Variants in IAH1 observed in about 807,000 individuals in gnomAD.
IAH1 encodes isoamyl acetate hydrolyzing esterase 1 (putative), also known as isoamyl acetate-hydrolyzing esterase 1 homolog.
A neutral mutation model predicts 26.7 loss-of-function variants in IAH1; 24 were observed. That is an observed-to-expected ratio of 0.90 (90% CI 0.65 to 1.26). The LOEUF (loss-of-function observed/expected upper bound fraction) is 1.26, where lower values mean the gene tolerates loss of function less well. IAH1 is among the 50% of genes most tolerant of loss of function. IAH1 has a pLI of 0.00. For synonymous variants in IAH1, 140 were observed against 118.5 expected, an observed-to-expected ratio of 1.18 and a Z score of -1.18; for missense variants, 300 against 299.9, an observed-to-expected ratio of 1.00 and a Z score of 0.00.
the IAH1 span, chr2:9,510,177 T>G: frequency 6.2e-7 from 1 of 1,605,730 alleles, no homozygotes. Flanking sequence ...TATCCAGCCA[T>G]CACCTACTTC....
At chr2:9,500,122 T>C (rs1456608570), downstream of IAH1, among the ~76,000 whole-genome samples, 2 of 152,248 alleles carry the variant, frequency 1.3e-5, no homozygotes, top group African/African-American at 4.8e-5. Context: ...TTATTTGTTA[T>C]AGCAAAAAAG....
At position 9,489,610 on chromosome 2, in the gene IAH1, A is replaced by C. The variant is rs1661919953; in HGVS notation, c.*1281A>C. 1 of 152,300 alleles carries C rather than the reference A, an allele frequency of 6.6e-6. No homozygotes were observed. Among genetic ancestry groups the C allele is most frequent in the Admixed American group, 6.6e-5 (1 of 15,214 alleles). 9.4% of individuals were successfully genotyped at this position (152,300 alleles called of 1,614,324 possible). On this transcript the variant is annotated 3_prime_UTR_variant, in exon 6 of 6. Transcript: ENST00000497473. ...AGCCATATTAACCCAAATGATTTCT[A>C]AATTTAGATATATATTTTCCCTGCT...
chr2:9,508,594 G>A, the IAH1 span, among the ~76,000 whole-genome samples: 4 of 152,078 alleles, frequency 2.6e-5, no homozygotes, highest in South Asian at 2.1e-4. Context: ...GCCCATTCCC[G>A]TCTCCCATCA....
Position 9,481,345 on chromosome 2 carries a change from G to C in IAH1, c.343G>C (p.Val115Leu). Reference protein sequence around the residue: ...EEYAANLKSMVQYLKSVDIPE... With the variant: ...EEYAANLKSMLQYLKSVDIPE... ...GTACGCTGCGAACCTAAAGAGCATGGTGCAGTACCTGAAGTCCGTGGACAT... is the reference window on the plus strand; with the variant it reads ...GTACGCTGCGAACCTAAAGAGCATGCTGCAGTACCTGAAGTCCGTGGACAT... The change falls in exon 4 of 6, where the codon GTG becomes CTG. Residue 115 changes from valine to leucine, a missense_variant. By Grantham distance (32) the Val-to-Leu change is conservative (BLOSUM62 1). Coordinates refer to ENST00000497473, the MANE Select transcript of IAH1 (RefSeq NM_001039613.3). 6.2e-7 allele frequency: 1 copy of C among 1,614,186 alleles called. No homozygotes were observed. The highest frequency in any genetic ancestry group is 8.5e-7 in the Non-Finnish European group (1 of 1,180,040).
chr2:9,497,593 C>T (rs58071331), downstream of IAH1, among the ~76,000 whole-genome samples: 9,668 of 152,294 alleles, frequency 0.063, 1,090 homozygotes, highest in African/African-American at 0.22. Context: ...AAGAACTCCA[C>T]GGCCTTCCCT....
chr2:9,476,146 T>C (rs1357009655), intron 2 of IAH1, 107 bp downstream of exon 2: 1 of 969,562 alleles, frequency 1.0e-6, no homozygotes, highest in Non-Finnish European at 1.6e-6. Context: ...CTTTATTAAT[T>C]TTGCTTGCCT....
chr2:9,481,125 C>T (rs1238407974), intron 3 of IAH1, among the ~76,000 whole-genome samples, 161 bp from the exon 4 acceptor site: 2 of 152,222 alleles, frequency 1.3e-5, no homozygotes, highest in Non-Finnish European at 2.9e-5. Flanking sequence ...AAGAACTATA[C>T]ATTTTAATTC....
In IAH1 at chr2:9,488,344, C is replaced by A. The variant is rs758256013; in HGVS notation, c.*15C>A. 31 of 1,568,456 alleles carry A rather than the reference C, an allele frequency of 2.0e-5. No homozygotes were observed. Among genetic ancestry groups the A allele is most frequent in the Non-Finnish European group, 2.6e-5 (30 of 1,162,734 alleles). ...GAGACCATTAGCCAATCACAGGAGA[C>A]CCAAATCTGCTTGTTATCTACAGAA... is the stretch of plus-strand genomic sequence containing the variant. On this transcript the variant is annotated 3_prime_UTR_variant, in exon 6 of 6. Transcript: ENST00000497473.
downstream of IAH1, among the ~76,000 whole-genome samples, chr2:9,500,951 C>T (rs1662963007): frequency 6.6e-6 from 1 of 152,148 alleles, no homozygotes; most frequent in Non-Finnish European, 1.5e-5. Context: ...TCTTTTTAAC[C>T]ATCCGCCATG....
chr2:9,476,171 A>G (rs960957812), intron 2 of IAH1, 132 bp downstream of exon 2: 2 of 699,638 alleles, frequency 2.9e-6, no homozygotes, highest in Admixed American at 5.3e-5. Context: ...TAATCAGTAT[A>G]TAGGAGAAGG....
chr2:9,499,479 GCAAGCTCCGCC>G (rs925872468), downstream of IAH1, among the ~76,000 whole-genome samples: 2 of 151,928 alleles, frequency 1.3e-5, no homozygotes, highest in Admixed American at 6.6e-5. Flanking sequence ...TCGGCTCACT[GCAAGCTCCGCC>G]TCCCGGGTTC....
downstream of IAH1, among the ~76,000 whole-genome samples, chr2:9,498,046 T>C (rs2124979375): frequency 6.6e-6 from 1 of 152,340 alleles, no homozygotes; most frequent in African/African-American, 2.4e-5. Context: ...TATTTTTCTT[T>C]TGAGACAGGG....
chr2:9,483,473 A>G (rs751457395), intron 4 of IAH1, among the ~76,000 whole-genome samples: 58 of 152,178 alleles, frequency 3.8e-4, no homozygotes, highest in Admixed American at 2.0e-4. Context: ...TTTATAAACA[A>G]TTGATCCCAA....
chr2:9,510,215 T>C, the IAH1 span: 7 of 1,294,142 alleles, frequency 5.4e-6, no homozygotes, highest in Non-Finnish European at 7.6e-6. Context: ...CTGTCTTAAA[T>C]AGAGCCTTAT....
chr2:9,505,600 T>C, the IAH1 span: 7 of 525,510 alleles, frequency 1.3e-5, no homozygotes, highest in African/African-American at 1.3e-4. Flanking sequence ...TCTATAATTC[T>C]TCTTACGAAG....
chr2:9,508,548 T>C, the IAH1 span, among the ~76,000 whole-genome samples: 1 of 152,252 alleles, frequency 6.6e-6, no homozygotes, highest in East Asian at 1.9e-4. Flanking sequence ...ATTTCCATCC[T>C]TCCAGTAATC....
intron 4 of IAH1, among the ~76,000 whole-genome samples, chr2:9,481,658 G>C (rs1240640768): frequency 6.6e-6 from 1 of 152,142 alleles, no homozygotes; most frequent in East Asian, 1.9e-4. Context: ...TTCTGGCTTT[G>C]GATAGTCAGG....
chr2:9,482,553 A>T (rs1319126386), intron 4 of IAH1, among the ~76,000 whole-genome samples: 1 of 152,162 alleles, frequency 6.6e-6, no homozygotes, highest in African/African-American at 2.4e-5. Flanking sequence ...ACCAGTGGAG[A>T]AATGGAGTCT....
chr2:9,490,723 C>T (rs1267610496), downstream of IAH1, among the ~76,000 whole-genome samples: 1 of 152,204 alleles, frequency 6.6e-6, no homozygotes, highest in East Asian at 1.9e-4. Context: ...CTTTTAATGG[C>T]AAAAACAGTA....
Sources: gnomAD v4.1 joint callset for allele counts (sites outside exome capture counted in the v4.1 genomes callset) on GRCh38, gnomAD v4.1.1 for gene constraint, MANE v1.5 for transcripts, NCBI Gene and HGNC (gene_info 2026-07-23, HGNC 2026-07-21) for gene names.